The following ASTN2 variants were observed in gnomAD, a reference collection of about 807,000 sequenced individuals.
ASTN2 encodes the protein astrotactin 2, also known as astrotactin-2.
ASTN2 carries 54 observed loss-of-function variants against 139.8 expected under a neutral mutation model. The ratio of observed to expected loss-of-function variants is 0.39; its 90% CI spans 0.31 to 0.48. ASTN2 has a LOEUF of 0.48. Ranked by LOEUF, ASTN2 falls within the 20% of genes least tolerant of loss-of-function variation. The pLI is 0.95. For missense variants in ASTN2, 1,565 were observed against 1,725.1 expected, an observed-to-expected ratio of 0.91 and a Z score of 1.64; for synonymous variants, 756 against 719.5, an observed-to-expected ratio of 1.05 and a Z score of -0.81.
At chr9:117,287,684 T>A (rs1834484867) in intron 2 of ASTN2, among the ~76,000 whole-genome samples, 1 of 152,110 alleles carries the variant, frequency 6.6e-6, no homozygotes, top group Admixed American at 6.5e-5. Flanking sequence ...AAATGTCAGG[T>A]ATTATGATTA....
At chr9:117,285,322 T>A (rs533409502) in intron 2 of ASTN2, among the ~76,000 whole-genome samples, 1 of 149,024 alleles carries the variant, frequency 6.7e-6, no homozygotes, top group Admixed American at 6.7e-5. Flanking sequence ...TTCTAGCAGA[T>A]AGGCTTTTCA....
intron 4 of ASTN2, among the ~76,000 whole-genome samples, chr9:117,125,835 G>GC (rs914492147): frequency 6.6e-6 from 1 of 151,672 alleles, no homozygotes; most frequent in Non-Finnish European, 1.5e-5. Flanking sequence ...GCGGCGGGGG[G>GC]GGGAATTGGA....
chr9:117,024,826 A>G (rs544753077), intron 6 of ASTN2, among the ~76,000 whole-genome samples: 2 of 152,182 alleles, frequency 1.3e-5, no homozygotes, highest in South Asian at 2.1e-4. Flanking sequence ...CATAATTCCC[A>G]TATGTTGTGG....
intron 19 of ASTN2, among the ~76,000 whole-genome samples, chr9:116,578,052 G>A (rs1853794370): frequency 6.6e-6 from 1 of 152,110 alleles, no homozygotes; most frequent in South Asian, 2.1e-4. Context: ...TAATTATGAA[G>A]GGCTTTAGGA....
chr9:116,558,903 C>T (rs930968450), intron 19 of ASTN2, among the ~76,000 whole-genome samples: 3 of 152,190 alleles, frequency 2.0e-5, no homozygotes, highest in Non-Finnish European at 2.9e-5. Context: ...ATGGTAGATA[C>T]TTAAGAAATG....
chr9:116,616,410 G>T (rs777913847), intron 19 of ASTN2, among the ~76,000 whole-genome samples: 8 of 152,188 alleles, frequency 5.3e-5, no homozygotes, highest in Non-Finnish European at 8.8e-5. Flanking sequence ...CCTAGTGGAA[G>T]AAGCAACACT....
At chr9:116,600,361 A>C (rs1468069748) in intron 19 of ASTN2, among the ~76,000 whole-genome samples, 1 of 151,604 alleles carries the variant, frequency 6.6e-6, no homozygotes, top group Non-Finnish European at 1.5e-5. Flanking sequence ...AGAAAGAAAG[A>C]AAGAAAAAGA....
intron 17 of ASTN2, among the ~76,000 whole-genome samples, chr9:116,649,037 C>A (rs114154538): frequency 0.042 from 6,410 of 151,386 alleles, 477 homozygotes; most frequent in African/African-American, 0.15. Context: ...CAGTCTCAAA[C>A]AAACAAACAA....
chr9:117,149,764 T>C (rs1342127140), intron 3 of ASTN2, among the ~76,000 whole-genome samples: 2 of 152,204 alleles, frequency 1.3e-5, no homozygotes, highest in Non-Finnish European at 2.9e-5. Context: ...CAGATGAGAA[T>C]GCTTCATGAC....
At chr9:116,975,442 T>A in intron 9 of ASTN2, 97 bp from the exon 10 acceptor site, 1 of 1,221,828 alleles carries the variant, frequency 8.2e-7, no homozygotes, top group Non-Finnish European at 1.1e-6. Context: ...GGCAATTTCC[T>A]ACTTCTCCAT....
intron 2 of ASTN2, among the ~76,000 whole-genome samples, chr9:117,248,051 A>T (rs1833433181): frequency 6.6e-6 from 1 of 152,196 alleles, no homozygotes; most frequent in South Asian, 2.1e-4. Context: ...CACAGACACT[A>T]TGGTGTGAAA....
At chr9:116,880,801 A>G (rs1242700726) in intron 10 of ASTN2, among the ~76,000 whole-genome samples, 4 of 152,150 alleles carry the variant, frequency 2.6e-5, no homozygotes, top group Non-Finnish European at 5.9e-5. Flanking sequence ...AGGACTTACT[A>G]GGTTCTAACT....
At chr9:117,135,159 T>G (rs1191985948) in intron 4 of ASTN2, among the ~76,000 whole-genome samples, 3 of 152,218 alleles carry the variant, frequency 2.0e-5, no homozygotes, top group Non-Finnish European at 4.4e-5. Flanking sequence ...AGATCTTAGT[T>G]GTGGTAGCTA....
chr9:116,481,870 T>C (rs949023527), intron 20 of ASTN2, among the ~76,000 whole-genome samples: 1 of 152,132 alleles, frequency 6.6e-6, no homozygotes, highest in African/African-American at 2.4e-5. Context: ...CACCAGGTGC[T>C]TTGAACAGCA....
intron 5 of ASTN2, among the ~76,000 whole-genome samples, chr9:117,066,045 T>A (rs1827929018): frequency 6.6e-6 from 1 of 151,088 alleles, no homozygotes; most frequent in Non-Finnish European, 1.5e-5. Flanking sequence ...TACTTTAAGT[T>A]TTAGGGTACA....
At chr9:116,915,481 G>A (rs1834416964) in intron 10 of ASTN2, among the ~76,000 whole-genome samples, 2 of 152,142 alleles carry the variant, frequency 1.3e-5, no homozygotes, top group Non-Finnish European at 2.9e-5. Flanking sequence ...GTGGGATCCT[G>A]GATAGCTTCA....
intron 20 of ASTN2, among the ~76,000 whole-genome samples, chr9:116,485,258 G>A (rs1849301147): frequency 6.6e-6 from 1 of 151,498 alleles, no homozygotes; most frequent in Non-Finnish European, 1.5e-5. Context: ...TCAAAGAGAA[G>A]GAATTGGAGG....
At chr9:117,050,492 T>C (rs889858923) in intron 5 of ASTN2, among the ~76,000 whole-genome samples, 1 of 152,136 alleles carries the variant, frequency 6.6e-6, no homozygotes, top group African/African-American at 2.4e-5. Context: ...TCCATGACAA[T>C]GTTCCTTTAC....
At chr9:116,669,892 A>G (rs1208246653) in intron 16 of ASTN2, among the ~76,000 whole-genome samples, 1 of 151,566 alleles carries the variant, frequency 6.6e-6, no homozygotes, top group Non-Finnish European at 1.5e-5. Flanking sequence ...TGCAACCTCA[A>G]CCTCTTGGGT....
Sources: allele counts gnomAD v4.1 joint callset (sites outside exome capture counted in the v4.1 genomes callset), GRCh38; gene constraint gnomAD v4.1.1; transcripts MANE v1.5; gene names NCBI Gene and HGNC (gene_info 2026-07-23, HGNC 2026-07-21).